NAALADL2: variants seen among roughly 807,000 people sequenced by gnomAD.
NAALADL2 encodes the protein inactive N-acetylated-alpha-linked acidic dipeptidase-like protein 2.
Under a neutral mutation model 87.2 loss-of-function variants are expected in NAALADL2, and 76 were observed. The ratio of observed to expected loss-of-function variants is 0.87; its 90% CI spans 0.72 to 1.05. NAALADL2 has a LOEUF of 1.05. NAALADL2 is among the 50% of genes least tolerant of loss of function. The pLI is 0.00. For synonymous variants in NAALADL2, 354 were observed against 331.0 expected (o/e 1.07, Z -0.75); for missense variants, 1,089 against 945.8 (o/e 1.15, Z -1.99).
chr3:175,190,506 C>T (rs1737984961), intron 2 of NAALADL2, among the ~76,000 whole-genome samples: 1 of 152,036 alleles, frequency 6.6e-6, no homozygotes. Context: ...TCAACTCACA[C>T]CTGTTAGGAT....
chr3:174,735,828 A>C (rs1374842), intron 2 of NAALADL2, among the ~76,000 whole-genome samples: 81,769 of 152,064 alleles, frequency 0.54, 23,152 homozygotes, highest in African/African-American at 0.73. Context: ...CGCCTTTGCC[A>C]GAGTTTTGCT....
chr3:175,123,519 A>C (rs2108579281), intron 2 of NAALADL2, among the ~76,000 whole-genome samples: 1 of 152,044 alleles, frequency 6.6e-6, no homozygotes, highest in South Asian at 2.1e-4. Context: ...CCAAATTCTT[A>C]ATTATGGCTT....
chr3:174,502,585 G>T (rs1431017560), intron 1 of NAALADL2, among the ~76,000 whole-genome samples: 4 of 151,984 alleles, frequency 2.6e-5, no homozygotes, highest in African/African-American at 9.7e-5. Context: ...GAATATTTAT[G>T]TATTATTCAG....
chr3:174,891,681 CAA>C (rs764504603), intron 1 of NAALADL2, among the ~76,000 whole-genome samples: 19 of 152,260 alleles, frequency 1.2e-4, no homozygotes, highest in South Asian at 8.3e-4. Context: ...CACTTAGGTC[CAA>C]AGTGCTCTTG....
intron 1 of NAALADL2, among the ~76,000 whole-genome samples, chr3:174,898,498 G>C (rs1731898387): frequency 6.6e-6 from 1 of 151,974 alleles, no homozygotes; most frequent in African/African-American, 2.4e-5. Flanking sequence ...ATAATGTGAA[G>C]AATATAATTC....
At chr3:175,052,538 T>C (rs1172538233) in intron 1 of NAALADL2, among the ~76,000 whole-genome samples, 2 of 152,210 alleles carry the variant, frequency 1.3e-5, no homozygotes, top group African/African-American at 2.4e-5. Flanking sequence ...ACAATCATCA[T>C]TGAAATCCCA....
At chr3:174,993,221 GTAAAT>G (rs1405413487) in intron 1 of NAALADL2, among the ~76,000 whole-genome samples, 1 of 152,024 alleles carries the variant, frequency 6.6e-6, no homozygotes, top group Non-Finnish European at 1.5e-5. Flanking sequence ...GAAACAATAA[GTAAAT>G]TAAGAGAAGT....
intron 2 of NAALADL2, among the ~76,000 whole-genome samples, chr3:175,166,054 T>TA (rs1491134930): frequency 6.9e-6 from 1 of 145,284 alleles, no homozygotes; most frequent in Non-Finnish European, 1.5e-5. Flanking sequence ...TTTTTTTTTT[T>TA]ACTCTTCTAA....
intron 11 of NAALADL2, among the ~76,000 whole-genome samples, chr3:175,681,754 G>C (rs1735632082): frequency 6.6e-6 from 1 of 152,098 alleles, no homozygotes; most frequent in African/African-American, 2.4e-5. Context: ...CTTGTACAGT[G>C]TAAATAAATG....
At chr3:175,322,038 G>T (rs940048187) in intron 4 of NAALADL2, among the ~76,000 whole-genome samples, 11 of 151,766 alleles carry the variant, frequency 7.2e-5, no homozygotes, top group South Asian at 2.1e-4. Flanking sequence ...AAGTCAATCC[G>T]AAGCCAAAAG....
intron 12 of NAALADL2, among the ~76,000 whole-genome samples, chr3:175,741,021 A>AC (rs1285915051): frequency 1.3e-5 from 2 of 152,184 alleles, no homozygotes; most frequent in African/African-American, 4.8e-5. Flanking sequence ...TTGCTCACAC[A>AC]AGAGAGTAAA....
intron 3 of NAALADL2, among the ~76,000 whole-genome samples, chr3:174,838,051 T>C (rs1460409175): frequency 2.7e-4 from 29 of 106,840 alleles, no homozygotes; most frequent in Non-Finnish European, 4.9e-4. Flanking sequence ...AAAAAAAAAC[T>C]ACAGACCAAT....
intron 3 of NAALADL2, among the ~76,000 whole-genome samples, chr3:174,846,801 C>T (rs1261579206): frequency 6.6e-6 from 1 of 152,028 alleles, no homozygotes; most frequent in Non-Finnish European, 1.5e-5. Flanking sequence ...ATTGGGCAGG[C>T]TGTGGGGCCA....
At chr3:175,288,399 G>T (rs933383454) in intron 4 of NAALADL2, among the ~76,000 whole-genome samples, 1 of 152,114 alleles carries the variant, frequency 6.6e-6, no homozygotes, top group Admixed American at 6.5e-5. Context: ...GACATACCCA[G>T]ATTGATGTTT....
At chr3:175,768,304 G>A (rs1216453414) in intron 13 of NAALADL2, among the ~76,000 whole-genome samples, 2 of 152,028 alleles carry the variant, frequency 1.3e-5, no homozygotes, top group Non-Finnish European at 2.9e-5. Flanking sequence ...ATTTTACCAG[G>A]CCTTTCTTGT....
At chr3:174,942,018 T>C (rs961278226) in intron 1 of NAALADL2, among the ~76,000 whole-genome samples, 28 of 152,158 alleles carry the variant, frequency 1.8e-4, no homozygotes, top group African/African-American at 6.5e-4. Flanking sequence ...TTAGTATTGT[T>C]ATATGTGGAT....
At chr3:175,196,367 C>T (rs182230672) in intron 2 of NAALADL2, among the ~76,000 whole-genome samples, 1 of 151,848 alleles carries the variant, frequency 6.6e-6, no homozygotes, top group Non-Finnish European at 1.5e-5. Flanking sequence ...ATATGGGGCA[C>T]TTTCATCCAC....
Position 175,639,318 on chromosome 3 carries a change from C to CTTTTTTTTTTTTTTTTTTTTTT in NAALADL2, c.1896+11952_1896+11953insTTTTTTTTTTTTTTTTTTTTTT, listed in dbSNP as rs756214274. 2.8e-5 allele frequency among the ~76,000 whole-genome samples: 3 copies of CTTTTTTTTTTTTTTTTTTTTTT among 108,718 alleles called. 1 individual carries two copies. Among genetic ancestry groups the CTTTTTTTTTTTTTTTTTTTTTT allele is most frequent in the African/African-American group, 1.2e-4 (3 of 24,170 alleles). The allele number at this position is 108,718 out of a possible 152,430, so 71.3% of individuals were successfully genotyped here. A position where few individuals can be genotyped will look rare whatever the true frequency, so the allele number is the denominator to read the frequency against. ...GCAGTTTTTTTTCAAAAGCGTTATT[C>CTTTTTTTTTTTTTTTTTTTTTT]TTTTTTTTTTTTTTTTTTTTGAGAC... On this transcript the variant is annotated intron_variant, in intron 11 of 13. Transcript: ENST00000454872.
At chr3:174,965,804 G>A (rs1405443052) in intron 1 of NAALADL2, among the ~76,000 whole-genome samples, 2 of 152,024 alleles carry the variant, frequency 1.3e-5, no homozygotes, top group South Asian at 4.2e-4. Flanking sequence ...AAAATTTTAC[G>A]GAGGGAAGTT....
Sources: gnomAD v4.1 joint callset for allele counts (sites outside exome capture counted in the v4.1 genomes callset) on GRCh38, gnomAD v4.1.1 for gene constraint, MANE v1.5 for transcripts, NCBI Gene and HGNC (gene_info 2026-07-23, HGNC 2026-07-21) for gene names.